MTA3: variants seen among roughly 807,000 people sequenced by gnomAD.
MTA3 encodes the protein metastasis-associated protein MTA3.
In MTA3, 34 loss-of-function variants were observed where a neutral mutation model predicts 83.5. The ratio of observed to expected loss-of-function variants is 0.41; its 90% confidence interval spans 0.31 to 0.54. MTA3 has a LOEUF of 0.54. Ranked by LOEUF, MTA3 falls within the 20% of genes least tolerant of loss-of-function variation. MTA3 has a pLI of 0.33. For missense variants in MTA3, 761 were observed against 726.4 expected, an observed-to-expected ratio of 1.05 and a Z score of -0.55; for synonymous variants, 303 against 252.7, an observed-to-expected ratio of 1.20 and a Z score of -1.89.
At chr2:42,667,800 C>G (rs1428779884) in intron 8 of MTA3, among the ~76,000 whole-genome samples, 1 of 152,084 alleles carries the variant, frequency 6.6e-6, no homozygotes, top group Non-Finnish European at 1.5e-5. Flanking sequence ...GCTACCACTC[C>G]CAGCTATTAA....
chr2:42,697,704 A>C (rs547715618), intron 10 of MTA3, 72 bp from the exon 11 acceptor site: 1 of 1,086,348 alleles, frequency 9.2e-7, no homozygotes, highest in Non-Finnish European at 1.3e-6. Context: ...TTTCTTGTGA[A>C]TTTTTAAGAC....
intron 2 of MTA3, among the ~76,000 whole-genome samples, chr2:42,558,731 T>G (rs576249795): frequency 6.6e-6 from 1 of 151,602 alleles, no homozygotes; most frequent in African/African-American, 2.4e-5. Context: ...TTTTTCCATA[T>G]TTTAGTAGAG....
intron 8 of MTA3, among the ~76,000 whole-genome samples, chr2:42,669,199 C>T (rs1690564021): frequency 1.3e-5 from 2 of 151,632 alleles, no homozygotes; most frequent in Non-Finnish European, 2.9e-5. Flanking sequence ...ATTCTCCTGC[C>T]TCAGCCTCCT....
intron 11 of MTA3, among the ~76,000 whole-genome samples, chr2:42,701,655 C>A (rs770591181): frequency 1.3e-5 from 2 of 152,078 alleles, no homozygotes; most frequent in Non-Finnish European, 2.9e-5. Context: ...GTGACTTACG[C>A]CTGTAATCCC....
Position 42,755,651 on chromosome 2 carries a change from C to A in MTA3, c.*2252C>A. 5 of 985,516 alleles carry A rather than the reference C, an allele frequency of 5.1e-6. No homozygotes were observed. In the South Asian group the frequency reaches 1.9e-4, roughly 37 times the overall value. 61.0% of individuals were successfully genotyped at this position (985,516 alleles called of 1,614,324 possible). ...CCCCCAGGCAATGGAGGAAGGGTGC[C>A]GAGGCGCCTCTAGTCTGTGCCTTTG... On this transcript the variant is annotated 3_prime_UTR_variant, in exon 17 of 17. Coordinates refer to ENST00000405094, the MANE Select transcript of MTA3 (RefSeq NM_001330442.2).
At chr2:42,693,909 G>A (rs1429620547) in intron 9 of MTA3, among the ~76,000 whole-genome samples, 2 of 152,172 alleles carry the variant, frequency 1.3e-5, no homozygotes, top group African/African-American at 4.8e-5. Context: ...CAAGGCCCAT[G>A]GTGTACTACT....
chr2:42,753,936 A>T lies in MTA3; in HGVS notation c.*537A>T. On this transcript the variant is annotated 3_prime_UTR_variant, in exon 17 of 17. Transcript: ENST00000405094. ...GTTACCGTCACTCAGCTTTTTCTCG[A>T]TAGGCTTCATCCTTGTTTTTTTGAA... The T allele has an allele frequency of 1.0e-6, 1 of 986,072 alleles. No homozygotes were observed. The highest frequency in any genetic ancestry group is 1.2e-6 in the Non-Finnish European group (1 of 830,342). The allele number at this position is 986,072 out of a possible 1,614,324, so 61.1% of individuals were successfully genotyped here.
At chr2:42,570,616 T>C (rs1678356161) in intron 2 of MTA3, 112 bp downstream of exon 2, 3 of 541,042 alleles carry the variant, frequency 5.5e-6, no homozygotes, top group Non-Finnish European at 9.3e-6. Context: ...TCCCAGTAAA[T>C]TGGGAGGCCT....
At chr2:42,527,089 C>G (rs1040842617) in intron 2 of MTA3, among the ~76,000 whole-genome samples, 1 of 148,068 alleles carries the variant, frequency 6.8e-6, no homozygotes, top group Non-Finnish European at 1.5e-5. Context: ...AGCCAAGCAG[C>G]CATTTGCGGA....
chr2:42,574,478 C>T (rs1323296724), intron 2 of MTA3, among the ~76,000 whole-genome samples: 1 of 151,316 alleles, frequency 6.6e-6, no homozygotes, highest in East Asian at 1.9e-4. Context: ...AGTTGTCACC[C>T]AGGCTGGAGT....
intron 9 of MTA3, among the ~76,000 whole-genome samples, chr2:42,693,701 G>A (rs977561963): frequency 6.6e-6 from 1 of 152,304 alleles, no homozygotes; most frequent in South Asian, 2.1e-4. Flanking sequence ...AGGAACTGAG[G>A]CCTGAACCTG....
At chr2:42,494,670 A>G (rs1004579259) in exon 1 of MTA3, 5 of 152,248 alleles carry the variant, frequency 3.3e-5, no homozygotes, top group African/African-American at 1.2e-4. Context: ...CCTAACGTGT[A>G]GCGCGCCTGG....
chr2:42,513,861 C>G (rs919663993), intron 2 of MTA3, among the ~76,000 whole-genome samples: 2 of 152,164 alleles, frequency 1.3e-5, no homozygotes, highest in African/African-American at 4.8e-5. Context: ...CCCATGAAAT[C>G]CAGCAATGCT....
At chr2:42,562,431 C>T (rs1242102225) in intron 2 of MTA3, among the ~76,000 whole-genome samples, 1 of 152,142 alleles carries the variant, frequency 6.6e-6, no homozygotes, top group East Asian at 1.9e-4. Context: ...CTCCCCACCC[C>T]AGCTGCTTTT....
At chr2:42,546,756 C>T (rs1313872701) in intron 2 of MTA3, among the ~76,000 whole-genome samples, 2 of 152,168 alleles carry the variant, frequency 1.3e-5, no homozygotes, top group Non-Finnish European at 1.5e-5. Flanking sequence ...AGACTGCACC[C>T]AGCATCCGTG....
At chr2:42,577,134 A>ATATATATATATATAT (rs1558451250) in intron 2 of MTA3, among the ~76,000 whole-genome samples, 5 of 96,716 alleles carry the variant, frequency 5.2e-5, no homozygotes, top group African/African-American at 2.2e-4. Flanking sequence ...ATATATATAT[A>ATATATATATATATAT]AAAATGAACT....
chr2:42,594,728 A>ATATATATATATATATT, intron 3 of MTA3, among the ~76,000 whole-genome samples: 13 of 24,040 alleles, frequency 5.4e-4, no homozygotes, highest in East Asian at 1.2e-3. Flanking sequence ...ATATATATAT[A>ATATATATATATATATT]TTTTTTTTTT....
chr2:42,523,405 G>C (rs751824037), intron 2 of MTA3, among the ~76,000 whole-genome samples: 14 of 152,242 alleles, frequency 9.2e-5, no homozygotes, highest in Non-Finnish European at 1.9e-4. Flanking sequence ...GTTCTCGTCA[G>C]GGTCTCTTCC....
intron 3 of MTA3, among the ~76,000 whole-genome samples, chr2:42,588,760 A>C (rs895423335): frequency 1.3e-5 from 2 of 152,180 alleles, no homozygotes; most frequent in South Asian, 2.1e-4. Context: ...TATGTGTATA[A>C]ATATACAGAC....
Sources: gnomAD v4.1 joint callset for allele counts (sites outside exome capture counted in the v4.1 genomes callset) on GRCh38, gnomAD v4.1.1 for gene constraint, MANE v1.5 for transcripts, NCBI Gene and HGNC (gene_info 2026-07-23, HGNC 2026-07-21) for gene names.